The following EPHA6 variants were observed in gnomAD, a reference collection of about 807,000 sequenced individuals.
The protein encoded by EPHA6 is EPH receptor A6, also known as ephrin type-A receptor 6.
Under a neutral mutation model 112.0 loss-of-function variants are expected in EPHA6, and 50 were observed. The observed-to-expected ratio is 0.45, with a 90% CI of 0.36 to 0.56. The LOEUF (loss-of-function observed/expected upper bound fraction) is 0.56, where lower values mean the gene tolerates loss of function less well. Ranked by LOEUF, EPHA6 falls within the 20% of genes least tolerant of loss-of-function variation. EPHA6 has a pLI of 0.00. For missense variants in EPHA6, 1,280 were observed against 1,417.4 expected, an observed-to-expected ratio of 0.90 and a Z score of 1.56; for synonymous variants, 529 against 490.7, an observed-to-expected ratio of 1.08 and a Z score of -1.03.
rs1490094035 is a variant in EPHA6 at position 97,328,052 on chromosome 3, C to CATATATATAT, written c.1607-77097_1607-77096insTATATATATA. ...ATGTGTATATATACACACATATATACACATATATATATATATATATATATA... is the reference window on the plus strand; with the variant it reads ...ATGTGTATATATACACACATATATACATATATATATACATATATATATATATATATATATA... On this transcript the variant is annotated intron_variant, in intron 5 of 17. Transcript: ENST00000389672. 2.2e-3 allele frequency among the ~76,000 whole-genome samples: 128 copies of CATATATATAT among 56,984 alleles called. 4 individuals carry two copies. The highest frequency in any genetic ancestry group is 0.011 in the African/African-American group (123 of 11,628). The allele number at this position is 56,984 out of a possible 152,430, so 37.4% of individuals were successfully genotyped here. A position where few individuals can be genotyped will look rare whatever the true frequency, so the allele number is the denominator to read the frequency against.
chr3:97,248,655 C>T (rs954934745), intron 5 of EPHA6, among the ~76,000 whole-genome samples: 2 of 152,106 alleles, frequency 1.3e-5, no homozygotes, highest in African/African-American at 4.8e-5. Flanking sequence ...ACACTCAGCA[C>T]TCCTATCTCT....
At position 96,954,849 on chromosome 3, in the gene EPHA6, A is replaced by C. The variant is rs536312137; in HGVS notation, c.451-32481A>C. ...TCGCCCAGGCCGGACTGCGGACTGCAGTGGCGCAATCTCGGCTCACTGCAA... is the reference window on the plus strand; with the variant it reads ...TCGCCCAGGCCGGACTGCGGACTGCCGTGGCGCAATCTCGGCTCACTGCAA... On this transcript the variant is annotated intron_variant, in intron 2 of 17. Transcript: ENST00000389672. 3.6e-3 allele frequency among the ~76,000 whole-genome samples: 447 copies of C among 123,580 alleles called. 1 individual carries two copies. Among genetic ancestry groups the C allele is most frequent in the Non-Finnish European group, 5.2e-3 (328 of 63,512 alleles). The allele number at this position is 123,580 out of a possible 152,430, so 81.1% of individuals were successfully genotyped here. A position where few individuals can be genotyped will look rare whatever the true frequency, so the allele number is the denominator to read the frequency against.
At chr3:97,038,717 G>A (rs910293611) in intron 3 of EPHA6, among the ~76,000 whole-genome samples, 1 of 152,026 alleles carries the variant, frequency 6.6e-6, no homozygotes, top group Non-Finnish European at 1.5e-5. Context: ...GCAGGGACCA[G>A]ACTCCTGTCA....
intron 5 of EPHA6, among the ~76,000 whole-genome samples, chr3:97,303,094 A>C (rs2081163393): frequency 6.6e-6 from 1 of 151,956 alleles, no homozygotes; most frequent in Admixed American, 6.6e-5. Flanking sequence ...AAACTCTTCT[A>C]ATTTTAAAAA....
At chr3:97,296,393 G>T (rs1164289067) in intron 5 of EPHA6, among the ~76,000 whole-genome samples, 1 of 152,156 alleles carries the variant, frequency 6.6e-6, no homozygotes, top group African/African-American at 2.4e-5. Context: ...CTGTTTTCCT[G>T]GTGATGCGGA....
chr3:97,473,534 A>G (rs1010436994), intron 7 of EPHA6, among the ~76,000 whole-genome samples: 5 of 151,866 alleles, frequency 3.3e-5, no homozygotes, highest in Non-Finnish European at 5.9e-5. Context: ...CTACCTAACT[A>G]CTATGAAACT....
chr3:97,712,495 T>C (rs1185582413), intron 14 of EPHA6, among the ~76,000 whole-genome samples: 1 of 152,208 alleles, frequency 6.6e-6, no homozygotes, highest in East Asian at 1.9e-4. Flanking sequence ...GTTTAAGTTA[T>C]CTAAACTCAG....
intron 5 of EPHA6, among the ~76,000 whole-genome samples, chr3:97,260,112 C>A (rs147824452): frequency 5.1e-4 from 77 of 152,202 alleles, no homozygotes; most frequent in African/African-American, 1.7e-3. Context: ...GAAAGTATAT[C>A]TTAAGTAACA....
intron 11 of EPHA6, among the ~76,000 whole-genome samples, chr3:97,576,779 A>G (rs540727720): frequency 1.5e-4 from 23 of 152,320 alleles, no homozygotes; most frequent in African/African-American, 4.3e-4. Flanking sequence ...GAAAAAAGAA[A>G]AAGATTTCTA....
chr3:96,939,104 G>T (rs1576103716), intron 2 of EPHA6, among the ~76,000 whole-genome samples: 1 of 152,280 alleles, frequency 6.6e-6, no homozygotes, highest in African/African-American at 2.4e-5. Flanking sequence ...TTGGTATCAG[G>T]ATGATGCTGG....
At chr3:96,843,566 T>C (rs1288630514) in intron 1 of EPHA6, among the ~76,000 whole-genome samples, 2 of 151,994 alleles carry the variant, frequency 1.3e-5, no homozygotes, top group Non-Finnish European at 1.5e-5. Context: ...CAGGTAGCAA[T>C]AGGAGTAATG....
At chr3:97,306,962 A>G (rs1366499509) in intron 5 of EPHA6, among the ~76,000 whole-genome samples, 1 of 150,476 alleles carries the variant, frequency 6.6e-6, no homozygotes, top group East Asian at 2.0e-4. Context: ...TACCTTATGT[A>G]TTGATTTTAT....
chr3:97,654,868 G>C (rs1316999058), intron 14 of EPHA6, among the ~76,000 whole-genome samples: 2 of 151,670 alleles, frequency 1.3e-5, no homozygotes, highest in Non-Finnish European at 2.9e-5. Context: ...AAAATTTTAA[G>C]CAAAGGGTGA....
chr3:97,315,037 A>G (rs1197912148), intron 5 of EPHA6, among the ~76,000 whole-genome samples: 2 of 150,752 alleles, frequency 1.3e-5, no homozygotes, highest in Non-Finnish European at 3.0e-5. Flanking sequence ...TTACTGTAGT[A>G]GAAATAAATA....
chr3:96,955,275 C>T (rs982250068), intron 2 of EPHA6, among the ~76,000 whole-genome samples: 1 of 152,090 alleles, frequency 6.6e-6, no homozygotes, highest in Non-Finnish European at 1.5e-5. Context: ...TGTGTCTTTA[C>T]ATTAATGGTG....
At chr3:97,026,348 A>C (rs2107999145) in intron 3 of EPHA6, among the ~76,000 whole-genome samples, 1 of 152,218 alleles carries the variant, frequency 6.6e-6, no homozygotes, top group South Asian at 2.1e-4. Context: ...TGAATCTATA[A>C]ATTGCTTTGG....
Position 97,027,484 on chromosome 3 carries a change from G to GA in EPHA6, c.1114+39498dup, listed in dbSNP as rs1401159554. Reference sequence around the variant, plus strand: ...CACTAGAAGATAAGCCACCTCCAAGGAAAAAAACACCTCCAAGGGAAAAAA... The same window carrying GA: ...CACTAGAAGATAAGCCACCTCCAAGGAAAAAAAACACCTCCAAGGGAAAAAA... On this transcript the variant is annotated intron_variant, in intron 3 of 17. Transcript: ENST00000389672. 4.0e-5 allele frequency among the ~76,000 whole-genome samples: 6 copies of GA among 151,694 alleles called. No individual in the cohort carries two copies. In the East Asian group the frequency reaches 5.8e-4, roughly 15 times the overall value.
chr3:97,710,016 A>G (rs969749457), intron 14 of EPHA6, among the ~76,000 whole-genome samples: 3 of 152,262 alleles, frequency 2.0e-5, no homozygotes, highest in Non-Finnish European at 2.9e-5. Context: ...TAATACAGAA[A>G]ATATGAGCAT....
intron 5 of EPHA6, among the ~76,000 whole-genome samples, chr3:97,290,070 A>G (rs945918925): frequency 1.3e-5 from 2 of 152,018 alleles, no homozygotes; most frequent in Admixed American, 1.3e-4. Context: ...TTGAGATCTA[A>G]CTATTTTAGC....
Sources: allele counts gnomAD v4.1 joint callset (sites outside exome capture counted in the v4.1 genomes callset), GRCh38; gene constraint gnomAD v4.1.1; transcripts MANE v1.5; gene names NCBI Gene and HGNC (gene_info 2026-07-23, HGNC 2026-07-21).